The following GMDS variants were observed in gnomAD, a reference collection of about 807,000 sequenced individuals.
GMDS encodes GDP-mannose 4,6-dehydratase.
GMDS carries 20 observed loss-of-function variants against 49.9 expected under a neutral mutation model. The ratio of observed to expected loss-of-function variants is 0.40; its 90% CI spans 0.28 to 0.58. GMDS has a LOEUF of 0.58. GMDS is among the 20% of genes least tolerant of loss of function. The probability of loss-of-function intolerance (pLI) is 0.42; values close to 1 mark genes in which losing one functional copy is unlikely to be tolerated. For missense variants in GMDS, 362 were observed against 481.4 expected, an observed-to-expected ratio of 0.75 and a Z score of 2.32; for synonymous variants, 177 against 178.6, an observed-to-expected ratio of 0.99 and a Z score of 0.07.
At chr6:2,007,284 A>G (rs1341799747) in intron 4 of GMDS, among the ~76,000 whole-genome samples, 2 of 152,162 alleles carry the variant, frequency 1.3e-5, no homozygotes, top group Non-Finnish European at 2.9e-5. Context: ...AACTAACAGG[A>G]CCAATGCAAG....
chr6:1,837,032 T>G (rs555550241), intron 7 of GMDS, among the ~76,000 whole-genome samples: 1 of 152,372 alleles, frequency 6.6e-6, no homozygotes, highest in South Asian at 2.1e-4. Flanking sequence ...TTCCGCTAAC[T>G]CTTGCAATTA....
At chr6:2,217,321 C>A (rs900318334) in intron 1 of GMDS, among the ~76,000 whole-genome samples, 3 of 152,066 alleles carry the variant, frequency 2.0e-5, no homozygotes, top group Non-Finnish European at 4.4e-5. Flanking sequence ...TACCAGGACA[C>A]GTGTTTGCCT....
intron 7 of GMDS, among the ~76,000 whole-genome samples, chr6:1,864,697 A>G (rs546917384): frequency 6.6e-6 from 1 of 152,308 alleles, no homozygotes; most frequent in South Asian, 2.1e-4. Flanking sequence ...AATCAGAACC[A>G]GACCTGTCAG....
At chr6:1,639,965 G>C (rs986238661) in intron 9 of GMDS, among the ~76,000 whole-genome samples, 2 of 152,220 alleles carry the variant, frequency 1.3e-5, no homozygotes, top group African/African-American at 2.4e-5. Flanking sequence ...ACCTCACTGG[G>C]CCTAGGTTCC....
At chr6:2,096,899 A>G (rs889070783) in intron 4 of GMDS, among the ~76,000 whole-genome samples, 1 of 152,130 alleles carries the variant, frequency 6.6e-6, no homozygotes, top group Non-Finnish European at 1.5e-5. Context: ...ACATCTAGAG[A>G]CTAATTAAGT....
intron 9 of GMDS, among the ~76,000 whole-genome samples, chr6:1,648,535 T>G (rs1290306679): frequency 6.6e-6 from 1 of 152,218 alleles, no homozygotes; most frequent in East Asian, 1.9e-4. Context: ...TGGGGAAAAC[T>G]TAGAACAAGT....
At chr6:1,669,154 A>T (rs908282193) in intron 9 of GMDS, among the ~76,000 whole-genome samples, 1 of 152,266 alleles carries the variant, frequency 6.6e-6, no homozygotes, top group Non-Finnish European at 1.5e-5. Context: ...AGGAAGAGAC[A>T]GAAGACATTG....
At chr6:1,950,175 A>G (rs948751429) in intron 6 of GMDS, among the ~76,000 whole-genome samples, 3 of 152,218 alleles carry the variant, frequency 2.0e-5, no homozygotes, top group African/African-American at 7.2e-5. Context: ...ATCATGCATT[A>G]TATTATTCCC....
In GMDS at chr6:2,236,791, A is replaced by G. The variant is rs566414463; in HGVS notation, c.102+8530T>C. On this transcript the variant is annotated intron_variant, in intron 1 of 10. Coordinates refer to ENST00000380815, the MANE Select transcript of GMDS (RefSeq NM_001500.4). Reference sequence around the variant, plus strand: ...TTAGAGGCTTTTTCACTCAGCATTAAGGAACATATTTTTGTTAAACATGAT... The same window carrying G: ...TTAGAGGCTTTTTCACTCAGCATTAGGGAACATATTTTTGTTAAACATGAT... 2.2e-4 allele frequency among the ~76,000 whole-genome samples: 34 copies of G among 152,374 alleles called. No individual in the cohort carries two copies. The East Asian group carries it at 6.5e-3, about 29-fold the overall frequency.
chr6:1,683,269 G>A (rs1489197481), intron 9 of GMDS, among the ~76,000 whole-genome samples: 2 of 152,072 alleles, frequency 1.3e-5, no homozygotes, highest in South Asian at 2.1e-4. Flanking sequence ...GACTACAGGC[G>A]CCCGCCACCA....
rs1034575368 is a variant in GMDS at position 2,161,884 on chromosome 6, C to A, written c.103-37153G>T. ...AAGGAGAGAAAGCCAAGACCTCATT[C>A]AAGCAAGTCACTAATGACAGGAGTC... On this transcript the variant is annotated intron_variant, in intron 1 of 10. Transcript: ENST00000380815. 3.9e-5 allele frequency among the ~76,000 whole-genome samples: 6 copies of A among 152,330 alleles called. No individual in the cohort carries two copies. The South Asian group carries it at 1.2e-3, about 32-fold the overall frequency.
chr6:2,231,450 G>A (rs902834047), intron 1 of GMDS, among the ~76,000 whole-genome samples: 11 of 152,088 alleles, frequency 7.2e-5, no homozygotes, highest in African/African-American at 2.7e-4. Flanking sequence ...CAAAGTCGCA[G>A]GTACTCAGGG....
chr6:1,949,860 T>A (rs1306146112), intron 6 of GMDS, among the ~76,000 whole-genome samples: 1 of 152,142 alleles, frequency 6.6e-6, no homozygotes, highest in African/African-American at 2.4e-5. Flanking sequence ...GATTACTTCA[T>A]CCCCTGATTT....
At chr6:2,061,626 C>A (rs1307731035) in intron 4 of GMDS, among the ~76,000 whole-genome samples, 1 of 138,978 alleles carries the variant, frequency 7.2e-6, no homozygotes, top group African/African-American at 2.7e-5. Flanking sequence ...GACAGAGGCA[C>A]AAGAAATGCT....
At chr6:1,652,380 A>AAAT (rs1554104112) in intron 9 of GMDS, among the ~76,000 whole-genome samples, 1 of 10,850 alleles carries the variant, frequency 9.2e-5, no homozygotes, top group East Asian at 1.6e-3. Flanking sequence ...TAAAAAAAAA[A>AAAT]ATATATATAT....
At chr6:2,013,305 C>T (rs1767680033) in intron 4 of GMDS, among the ~76,000 whole-genome samples, 1 of 152,048 alleles carries the variant, frequency 6.6e-6, no homozygotes, top group Non-Finnish European at 1.5e-5. Flanking sequence ...CTAAACAAAA[C>T]CCAGCTCATT....
At chr6:2,098,444 T>C (rs559157942) in intron 4 of GMDS, among the ~76,000 whole-genome samples, 1 of 152,222 alleles carries the variant, frequency 6.6e-6, no homozygotes, top group Non-Finnish European at 1.5e-5. Context: ...TTAGCTATCA[T>C]AGATTAACAA....
chr6:1,877,103 T>C lies in GMDS; in HGVS notation c.771+53000A>G, dbSNP rs571558907. Among the ~76,000 whole-genome samples the C allele has an allele frequency of 7.2e-5, 11 of 152,050 alleles. No homozygotes were observed. In the South Asian group the frequency reaches 2.3e-3, roughly 32 times the overall value. On this transcript the variant is annotated intron_variant, in intron 7 of 10. Transcript: ENST00000380815. ...CTGCCTGCTGGGGCTGACCACCACGTCCCACCCGGTGATGGAAGGGAATGA... is the reference window on the plus strand; with the variant it reads ...CTGCCTGCTGGGGCTGACCACCACGCCCCACCCGGTGATGGAAGGGAATGA...
At chr6:1,933,838 G>T in intron 6 of GMDS, among the ~76,000 whole-genome samples, 1 of 152,154 alleles carries the variant, frequency 6.6e-6, no homozygotes, top group Non-Finnish European at 1.5e-5. Context: ...CACTTTCTTG[G>T]TTGTGCTCTC....
Sources: gnomAD v4.1 joint callset for allele counts (sites outside exome capture counted in the v4.1 genomes callset) on GRCh38, gnomAD v4.1.1 for gene constraint, MANE v1.5 for transcripts, NCBI Gene and HGNC (gene_info 2026-07-23, HGNC 2026-07-21) for gene names.